The following CTNNA2 variants were observed in gnomAD, a reference collection of about 807,000 sequenced individuals.
The protein encoded by CTNNA2 is catenin alpha-2.
CTNNA2 carries 42 observed loss-of-function variants against 101.0 expected under a neutral mutation model. The observed-to-expected ratio is 0.42, with a 90% CI of 0.32 to 0.54. CTNNA2 has a LOEUF of 0.54. CTNNA2 is among the 20% of genes least tolerant of loss of function. The probability of loss-of-function intolerance (pLI) is 0.14; values close to 1 mark genes in which losing one functional copy is unlikely to be tolerated. For synonymous variants in CTNNA2, 450 were observed against 456.4 expected (o/e 0.99, Z 0.18); for missense variants, 871 against 1,223.1 (o/e 0.71, Z 4.29).
intron 6 of CTNNA2, among the ~76,000 whole-genome samples, chr2:79,883,302 A>G (rs192909407): frequency 2.6e-4 from 39 of 152,324 alleles, no homozygotes; most frequent in African/African-American, 9.1e-4. Context: ...AAATTACAGG[A>G]TTGATTTCTA....
chr2:79,623,025 A>G (rs984685487), intron 1 of CTNNA2, among the ~76,000 whole-genome samples: 14 of 152,210 alleles, frequency 9.2e-5, no homozygotes, highest in African/African-American at 3.1e-4. Flanking sequence ...AGTTCAATAA[A>G]CAACACAAAA....
At chr2:79,471,352 C>T (rs765544835) in intron 4 of CTNNA2, among the ~76,000 whole-genome samples, 9 of 152,112 alleles carry the variant, frequency 5.9e-5, no homozygotes, top group Non-Finnish European at 1.0e-4. Flanking sequence ...GGCTGGACAA[C>T]CAGGGCACCA....
intron 1 of CTNNA2, among the ~76,000 whole-genome samples, chr2:79,531,195 C>CATAT (rs34087238): frequency 0.041 from 4,510 of 109,364 alleles, 137 homozygotes; most frequent in East Asian, 0.058. Flanking sequence ...TAGATACGCT[C>CATAT]ATATATATAT....
intron 3 of CTNNA2, among the ~76,000 whole-genome samples, chr2:79,823,645 A>C (rs1404542102): frequency 6.6e-6 from 1 of 152,234 alleles, no homozygotes; most frequent in Non-Finnish European, 1.5e-5. Context: ...TTCTGTGGTC[A>C]AACTCTATTC....
At chr2:80,047,267 A>G (rs1696591933) in intron 7 of CTNNA2, among the ~76,000 whole-genome samples, 1 of 152,234 alleles carries the variant, frequency 6.6e-6, no homozygotes, top group Non-Finnish European at 1.5e-5. Context: ...ACACAAAATT[A>G]AAATATTAGT....
intron 7 of CTNNA2, among the ~76,000 whole-genome samples, chr2:79,994,579 T>C (rs1251769176): frequency 1.3e-5 from 2 of 151,438 alleles, no homozygotes; most frequent in African/African-American, 4.9e-5. Context: ...GGTTTTCTTC[T>C]GTTTCATAGG....
intron 7 of CTNNA2, among the ~76,000 whole-genome samples, chr2:80,195,988 G>T (rs1176354380): frequency 1.3e-5 from 2 of 152,106 alleles, no homozygotes; most frequent in Non-Finnish European, 2.9e-5. Context: ...CAGTGGATTT[G>T]CATCACTATC....
chr2:80,233,785 T>C (rs1175519428), intron 7 of CTNNA2, among the ~76,000 whole-genome samples: 2 of 152,186 alleles, frequency 1.3e-5, no homozygotes, highest in African/African-American at 2.4e-5. Flanking sequence ...TTGAATGCCA[T>C]ATTCATTCAC....
At chr2:80,232,325 G>T (rs111738280) in intron 7 of CTNNA2, among the ~76,000 whole-genome samples, 970 of 61,672 alleles carry the variant, frequency 0.016, 13 homozygotes, top group African/African-American at 0.087. Flanking sequence ...TTTGGGTTTT[G>T]TTTGTTTGTT....
Position 79,542,038 on chromosome 2 carries a change from CT to C in CTNNA2, c.-6+28840del, listed in dbSNP as rs67066987. The stretch of plus-strand genomic sequence containing the variant: ...TGAGAGCTTTCTGGCCTTATAATTT[CT>C]TTTTTTTTCTCTTTAGCTTTTTAAA... On this transcript the variant is annotated intron_variant, in intron 1 of 18. Coordinates refer to ENST00000402739, the MANE Select transcript of CTNNA2 (RefSeq NM_001282597.3). Among the ~76,000 whole-genome samples the C allele has an allele frequency of 1.3e-3, 198 of 151,538 alleles. 2 individuals are homozygous for C. Among genetic ancestry groups the C allele is most frequent in the African/African-American group, 4.4e-3 (181 of 41,330 alleles).
chr2:79,544,046 C>G (rs944802503), intron 1 of CTNNA2, among the ~76,000 whole-genome samples: 1 of 152,080 alleles, frequency 6.6e-6, no homozygotes, highest in Admixed American at 6.6e-5. Context: ...TCAAGAGATT[C>G]TCTTGCCCAG....
chr2:79,230,446 A>T (rs1055134453), intron 2 of CTNNA2, among the ~76,000 whole-genome samples: 1 of 152,254 alleles, frequency 6.6e-6, no homozygotes, highest in Non-Finnish European at 1.5e-5. Flanking sequence ...ACAGAAGTCA[A>T]GAACTGAGGT....
At chr2:80,249,598 AG>A (rs1671598156) in intron 7 of CTNNA2, among the ~76,000 whole-genome samples, 1 of 152,198 alleles carries the variant, frequency 6.6e-6, no homozygotes, top group African/African-American at 2.4e-5. Context: ...GAAGACATTG[AG>A]GCACAGTGGG....
intron 7 of CTNNA2, among the ~76,000 whole-genome samples, chr2:79,914,919 C>G (rs1204440205): frequency 1.3e-5 from 2 of 151,694 alleles, no homozygotes; most frequent in Non-Finnish European, 2.9e-5. Flanking sequence ...GTGTTTGAAG[C>G]ATTGTCATAG....
intron 2 of CTNNA2, chr2:79,687,450 T>A (rs1558838645): frequency 1.9e-6 from 1 of 522,708 alleles, no homozygotes; most frequent in Non-Finnish European, 3.4e-6. Context: ...TCTGCTTTTT[T>A]TTTTTTGTAC....
At chr2:79,599,864 A>C (rs1225433529) in intron 1 of CTNNA2, among the ~76,000 whole-genome samples, 6 of 152,196 alleles carry the variant, frequency 3.9e-5, no homozygotes, top group Admixed American at 3.9e-4. Flanking sequence ...CATACTGACC[A>C]GAACTAGTGA....
At chr2:79,218,454 A>T (rs1674298320) in intron 2 of CTNNA2, among the ~76,000 whole-genome samples, 1 of 151,650 alleles carries the variant, frequency 6.6e-6, no homozygotes, top group Non-Finnish European at 1.5e-5. Context: ...AAGAGCTGGG[A>T]TTATAGGCGT....
rs76343950 is a variant in CTNNA2, at chr2:80,641,029, T to C, written c.2575-6556T>C. Among the ~76,000 whole-genome samples, 203 of 152,320 alleles carry C rather than the reference T, an allele frequency of 1.3e-3. 2 individuals carry two copies. The highest frequency in any genetic ancestry group is 4.2e-3 in the African/African-American group (176 of 41,592). On this transcript the variant is annotated intron_variant, in intron 18 of 18. Coordinates refer to ENST00000402739, the MANE Select transcript of CTNNA2 (RefSeq NM_001282597.3). The stretch of plus-strand genomic sequence containing the variant: ...CCCATTTTAAAATATTGCAAAAGGC[T>C]AAAGTGGACTTTACACATATTTAGG...
chr2:79,595,438 A>G (rs1677127114), intron 1 of CTNNA2, among the ~76,000 whole-genome samples: 1 of 152,210 alleles, frequency 6.6e-6, no homozygotes, highest in Middle Eastern at 3.2e-3. Flanking sequence ...GAACACCCAT[A>G]GGCATCCCAA....
Sources: allele counts gnomAD v4.1 joint callset (sites outside exome capture counted in the v4.1 genomes callset), GRCh38; gene constraint gnomAD v4.1.1; transcripts MANE v1.5; gene names NCBI Gene and HGNC (gene_info 2026-07-23, HGNC 2026-07-21).